Variants in SH3GL2 observed in about 807,000 individuals in gnomAD.
The protein encoded by SH3GL2 is SH3 domain containing GRB2 like 2, endophilin A1.
SH3GL2 carries 24 observed loss-of-function variants against 46.0 expected under a neutral mutation model. That is an observed-to-expected ratio of 0.52 (90% confidence interval 0.38 to 0.73). The LOEUF is 0.73. SH3GL2 is among the 30% of genes least tolerant of loss of function. SH3GL2 has a pLI of 0.00. For missense variants in SH3GL2, 413 were observed against 424.2 expected, an observed-to-expected ratio of 0.97 and a Z score of 0.23; for synonymous variants, 196 against 147.1, an observed-to-expected ratio of 1.33 and a Z score of -2.40.
chr9:17,725,658 C>G (rs896969256), intron 1 of SH3GL2, among the ~76,000 whole-genome samples: 1 of 152,118 alleles, frequency 6.6e-6, no homozygotes, highest in East Asian at 1.9e-4. Context: ...TGTGGAATGT[C>G]TACCCTGTGA....
intron 1 of SH3GL2, among the ~76,000 whole-genome samples, chr9:17,713,102 T>G (rs1165850126): frequency 6.6e-6 from 1 of 151,420 alleles, no homozygotes; most frequent in Non-Finnish European, 1.5e-5. Context: ...AAGTAGATGT[T>G]AGATTTTGTC....
intron 1 of SH3GL2, among the ~76,000 whole-genome samples, chr9:17,650,645 C>T (rs111917979): frequency 0.016 from 2,440 of 152,312 alleles, 63 homozygotes; most frequent in African/African-American, 0.055. Context: ...GCGTGAGTCA[C>T]CACGCTCGGC....
At chr9:17,602,179 G>C (rs1006122105) in intron 1 of SH3GL2, among the ~76,000 whole-genome samples, 1 of 152,140 alleles carries the variant, frequency 6.6e-6, no homozygotes, top group African/African-American at 2.4e-5. Flanking sequence ...CCCAAGGCAG[G>C]ATGCTCGTGG....
In SH3GL2 at chr9:17,692,127, C is replaced by A. The variant is rs145440045; in HGVS notation, c.46-54939C>A. Reference sequence around the variant, plus strand: ...CAAGTATATATTAATAGAAGATAGACTAAGGGATGGTACATCTATATAGTG... The same window carrying A: ...CAAGTATATATTAATAGAAGATAGAATAAGGGATGGTACATCTATATAGTG... On this transcript the variant is annotated intron_variant, in intron 1 of 8. Transcript: ENST00000380607. 5.1e-4 allele frequency among the ~76,000 whole-genome samples: 78 copies of A among 151,940 alleles called. 1 individual carries two copies. Among genetic ancestry groups the A allele is most frequent in the Non-Finnish European group, 1.1e-3 (73 of 67,976 alleles).
chr9:17,708,507 A>G (rs953366509), intron 1 of SH3GL2, among the ~76,000 whole-genome samples: 1 of 152,060 alleles, frequency 6.6e-6, no homozygotes, highest in African/African-American at 2.4e-5. Context: ...TGAAACCATT[A>G]GAGCTTGACT....
chr9:17,629,240 T>C (rs556558854), intron 1 of SH3GL2, among the ~76,000 whole-genome samples: 1 of 152,328 alleles, frequency 6.6e-6, no homozygotes. Context: ...AAAGGGGTTG[T>C]ATGAAATTCC....
intron 7 of SH3GL2, among the ~76,000 whole-genome samples, chr9:17,792,389 C>T (rs1284592271): frequency 1.3e-5 from 2 of 152,058 alleles, no homozygotes; most frequent in Non-Finnish European, 2.9e-5. Flanking sequence ...TTTTTTTCCT[C>T]TGAAATATGT....
intron 8 of SH3GL2, among the ~76,000 whole-genome samples, chr9:17,795,129 A>G (rs1824240000): frequency 6.6e-6 from 1 of 152,240 alleles, no homozygotes; most frequent in Non-Finnish European, 1.5e-5. Flanking sequence ...CAAAGGTTTT[A>G]AAGTGCTCAG....
At chr9:17,761,669 G>A (rs1213772769) in intron 3 of SH3GL2, 160 bp downstream of exon 3, 17 of 703,500 alleles carry the variant, frequency 2.4e-5, no homozygotes, top group East Asian at 2.5e-5. Flanking sequence ...TTTTAACTGG[G>A]GAGAAGGGCT....
At chr9:17,591,516 G>A (rs1818481184) in intron 1 of SH3GL2, among the ~76,000 whole-genome samples, 1 of 152,042 alleles carries the variant, frequency 6.6e-6, no homozygotes, top group South Asian at 2.1e-4. Context: ...TATTTCATTG[G>A]TGTATTAAAC....
At chr9:17,730,877 A>G (rs997656663) in intron 1 of SH3GL2, among the ~76,000 whole-genome samples, 2 of 152,154 alleles carry the variant, frequency 1.3e-5, no homozygotes, top group Non-Finnish European at 1.5e-5. Flanking sequence ...AGATTTCAAT[A>G]TGCTGTGTAA....
chr9:17,731,521 A>C (rs139643822), intron 1 of SH3GL2, among the ~76,000 whole-genome samples: 1 of 152,060 alleles, frequency 6.6e-6, no homozygotes, highest in Non-Finnish European at 1.5e-5. Flanking sequence ...ATGTGAGGAC[A>C]CAGTGAGAAG....
chr9:17,790,372 A>C, intron 6 of SH3GL2: 1 of 943,704 alleles, frequency 1.1e-6, no homozygotes, highest in Middle Eastern at 5.5e-4. Flanking sequence ...TTGTCACCTA[A>C]AATTAACCAT....
chr9:17,635,205 T>C (rs140020415), intron 1 of SH3GL2, among the ~76,000 whole-genome samples: 210 of 152,278 alleles, frequency 1.4e-3, no homozygotes, highest in African/African-American at 4.5e-3. Flanking sequence ...TTTTCATCAT[T>C]TAGCACCCAC....
At chr9:17,785,515 A>G (rs1463888982) in intron 3 of SH3GL2, among the ~76,000 whole-genome samples, 3 of 152,328 alleles carry the variant, frequency 2.0e-5, no homozygotes, top group African/African-American at 4.8e-5. Flanking sequence ...CTGTGATTCT[A>G]TCTGGGGTTT....
At chr9:17,708,564 C>T (rs972159397) in intron 1 of SH3GL2, among the ~76,000 whole-genome samples, 12 of 151,862 alleles carry the variant, frequency 7.9e-5, no homozygotes, top group African/African-American at 2.7e-4. Flanking sequence ...TATACGATTG[C>T]GTTATACTTT....
At chr9:17,583,247 G>A (rs959408689) in intron 1 of SH3GL2, among the ~76,000 whole-genome samples, 1 of 152,056 alleles carries the variant, frequency 6.6e-6, no homozygotes, top group Non-Finnish European at 1.5e-5. Flanking sequence ...TTAATGAGTT[G>A]GTTAGTATAT....
At chr9:17,579,512 G>A (rs1382797227) in intron 1 of SH3GL2, among the ~76,000 whole-genome samples, 1 of 151,992 alleles carries the variant, frequency 6.6e-6, no homozygotes, top group Non-Finnish European at 1.5e-5. Context: ...CTTCCCGCGG[G>A]TCCCCGGCGT....
At chr9:17,648,937 A>G (rs935327723) in intron 1 of SH3GL2, among the ~76,000 whole-genome samples, 1 of 152,236 alleles carries the variant, frequency 6.6e-6, no homozygotes, top group Non-Finnish European at 1.5e-5. Context: ...ACCTAGATAC[A>G]AAGAGCACTG....
Sources: allele counts gnomAD v4.1 joint callset (sites outside exome capture counted in the v4.1 genomes callset), GRCh38; gene constraint gnomAD v4.1.1; transcripts MANE v1.5; gene names NCBI Gene and HGNC (gene_info 2026-07-23, HGNC 2026-07-21).